The following CSMD1 variants were observed in gnomAD, a reference collection of about 807,000 sequenced individuals.
CSMD1 encodes the protein CUB and sushi domain-containing protein 1.
Under a neutral mutation model 417.5 loss-of-function variants are expected in CSMD1, and 213 were observed. That is an observed-to-expected ratio of 0.51 (90% CI 0.46 to 0.57). The LOEUF is 0.57. CSMD1 is among the 20% of genes least tolerant of loss of function. CSMD1 has a pLI of 0.00. For missense variants in CSMD1, 6,923 were observed against 4,529.7 expected (o/e 1.53, Z -15.17); for synonymous variants, 2,862 against 1,736.8 (o/e 1.65, Z -16.11).
intron 30 of CSMD1, 102 bp downstream of exon 30, chr8:3,214,395 G>T: frequency 1.0e-6 from 1 of 994,564 alleles, no homozygotes; most frequent in Non-Finnish European, 1.5e-6. Flanking sequence ...CCTCACCACC[G>T]ATGAGAGGAA....
intron 3 of CSMD1, among the ~76,000 whole-genome samples, chr8:4,376,591 A>C (rs1802757972): frequency 6.6e-6 from 1 of 151,656 alleles, no homozygotes; most frequent in African/African-American, 2.4e-5. Context: ...ACATTGAGTT[A>C]GTCTGACAAT....
intron 41 of CSMD1, among the ~76,000 whole-genome samples, chr8:3,139,016 G>C (rs1032308668): frequency 1.3e-5 from 2 of 152,228 alleles, no homozygotes; most frequent in Admixed American, 1.3e-4. Context: ...TGGTGACACA[G>C]GGAGGCAGCC....
At chr8:3,895,242 T>A (rs1807279451) in intron 5 of CSMD1, among the ~76,000 whole-genome samples, 2 of 152,220 alleles carry the variant, frequency 1.3e-5, no homozygotes, top group South Asian at 4.1e-4. Context: ...ATGATCACTG[T>A]GCTTACAACA....
chr8:3,658,646 G>C (rs2117435730), intron 7 of CSMD1, among the ~76,000 whole-genome samples: 1 of 152,006 alleles, frequency 6.6e-6, no homozygotes, highest in South Asian at 2.1e-4. Flanking sequence ...AGTTGGGCGT[G>C]GTGGTGCGTG....
intron 2 of CSMD1, among the ~76,000 whole-genome samples, chr8:4,522,180 T>C (rs773499341): frequency 5.9e-5 from 9 of 151,988 alleles, no homozygotes; most frequent in South Asian, 2.1e-4. Flanking sequence ...AGTGAATGAG[T>C]CTCGTGAGAG....
chr8:3,682,392 G>A (rs1490215541), intron 7 of CSMD1, among the ~76,000 whole-genome samples: 3 of 152,172 alleles, frequency 2.0e-5, no homozygotes, highest in East Asian at 1.9e-4. Flanking sequence ...GACATGAACA[G>A]ACACTTCTCA....
chr8:3,895,955 TA>T (rs1482586942), intron 5 of CSMD1, among the ~76,000 whole-genome samples: 13 of 152,208 alleles, frequency 8.5e-5, no homozygotes, highest in African/African-American at 3.1e-4. Context: ...GTCCCACTTG[TA>T]AAAGATAGTC....
At chr8:4,484,631 G>A (rs1801272625) in intron 2 of CSMD1, among the ~76,000 whole-genome samples, 1 of 152,080 alleles carries the variant, frequency 6.6e-6, no homozygotes, top group South Asian at 2.1e-4. Flanking sequence ...GAGAGGGAAA[G>A]TGAGACACAT....
At chr8:2,997,158 G>T (rs969060447) in intron 54 of CSMD1, among the ~76,000 whole-genome samples, 1 of 152,232 alleles carries the variant, frequency 6.6e-6, no homozygotes. Context: ...CAAGCATTCT[G>T]ATCCTGACAG....
rs766641974 is a variant in CSMD1, at chr8:3,307,797, G to C, written c.3848C>G (p.Ala1283Gly). The C allele has an allele frequency of 5.0e-6, 8 of 1,613,320 alleles. No homozygotes were observed. In the African/African-American group the frequency reaches 8.0e-5, roughly 16 times the overall value. Residue 1283 changes from alanine (A) to glycine (G), a missense_variant, in exon 25 of 70, where the codon GCA becomes GGA. Coordinates refer to ENST00000635120, the MANE Select transcript of CSMD1 (RefSeq NM_033225.6). Reference sequence around the variant, plus strand: ...GGACAATATTCGTCCTGATGTGGCTGCATGGATCTGACCACCACATTCCGC... The same window carrying C: ...GGACAATATTCGTCCTGATGTGGCTCCATGGATCTGACCACCACATTCCGC... The part of the protein sequence containing the change: ...CIAECGGQIH[A>G]ATSGRILSPG...
intron 3 of CSMD1, among the ~76,000 whole-genome samples, chr8:4,101,182 C>T (rs891856283): frequency 3.3e-5 from 5 of 152,204 alleles, no homozygotes; most frequent in Admixed American, 6.5e-5. Flanking sequence ...CATCTGAATA[C>T]ATCTATATGC....
intron 1 of CSMD1, among the ~76,000 whole-genome samples, chr8:4,953,976 C>T (rs950740929): frequency 1.3e-5 from 2 of 152,098 alleles, no homozygotes; most frequent in African/African-American, 4.8e-5. Flanking sequence ...AGAAATACTA[C>T]CGAGATTACC....
intron 3 of CSMD1, among the ~76,000 whole-genome samples, chr8:4,415,106 G>C (rs867979004): frequency 2.0e-5 from 3 of 152,034 alleles, no homozygotes; most frequent in South Asian, 4.2e-4. Context: ...GTTTTCTATT[G>C]CAAGGATGAA....
At chr8:4,561,303 G>C (rs1471802997) in intron 2 of CSMD1, among the ~76,000 whole-genome samples, 1 of 152,192 alleles carries the variant, frequency 6.6e-6, no homozygotes. Context: ...GAACTCAGGA[G>C]CTGGAGGTTG....
chr8:3,620,214 G>A (rs1023004941), intron 7 of CSMD1, among the ~76,000 whole-genome samples: 6 of 152,024 alleles, frequency 3.9e-5, no homozygotes, highest in African/African-American at 1.4e-4. Context: ...AAAATGAAAG[G>A]GAAATTAAGA....
At chr8:3,932,107 C>G (rs1441600328) in intron 5 of CSMD1, among the ~76,000 whole-genome samples, 1 of 150,256 alleles carries the variant, frequency 6.7e-6, no homozygotes, top group Non-Finnish European at 1.5e-5. Flanking sequence ...GAATAACATT[C>G]TTGAAAGTAG....
chr8:4,626,518 A>C (rs1367569015), intron 2 of CSMD1, among the ~76,000 whole-genome samples: 1 of 152,086 alleles, frequency 6.6e-6, no homozygotes, highest in Admixed American at 6.6e-5. Context: ...CGTTGAGAGA[A>C]AGTTATCTGA....
In CSMD1 at chr8:3,419,837, C is replaced by T. The variant is rs887347925; in HGVS notation, c.1562-10232G>A. On this transcript the variant is annotated intron_variant, in intron 12 of 69. Coordinates refer to ENST00000635120, the MANE Select transcript of CSMD1 (RefSeq NM_033225.6). ...TTATTTTCCTGCTACTTCTAGACCA[C>T]AGTCTGGAAGCAGGATAGCAAAGTG... Among the ~76,000 whole-genome samples, 19 of 152,230 alleles carry T rather than the reference C, an allele frequency of 1.2e-4. No individual in the cohort carries two copies. In the East Asian group the frequency reaches 3.3e-3, roughly 26 times the overall value.
chr8:3,422,536 G>C (rs73657895), intron 12 of CSMD1, among the ~76,000 whole-genome samples: 2,228 of 152,132 alleles, frequency 0.015, 59 homozygotes, highest in African/African-American at 0.051. Context: ...TCTATTGTAA[G>C]ACACAAACAG....
Sources: gnomAD v4.1 joint callset for allele counts (sites outside exome capture counted in the v4.1 genomes callset) on GRCh38, gnomAD v4.1.1 for gene constraint, MANE v1.5 for transcripts, NCBI Gene and HGNC (gene_info 2026-07-23, HGNC 2026-07-21) for gene names.